The following STK38L variants were observed in gnomAD, a reference collection of about 807,000 sequenced individuals.
STK38L encodes the protein serine/threonine kinase 38 like.
Under a neutral mutation model 59.7 loss-of-function variants are expected in STK38L, and 28 were observed. The observed-to-expected ratio is 0.47, with a 90% CI of 0.35 to 0.64. The LOEUF is 0.64. Ranked by LOEUF, STK38L falls within the 30% of genes least tolerant of loss-of-function variation. The pLI is 0.01. For missense variants in STK38L, 314 were observed against 555.8 expected, an observed-to-expected ratio of 0.56 and a Z score of 4.37; for synonymous variants, 162 against 176.8, an observed-to-expected ratio of 0.92 and a Z score of 0.66.
At chr12:27,295,560 A>G (rs1045752573) in intron 1 of STK38L, among the ~76,000 whole-genome samples, 4 of 151,292 alleles carry the variant, frequency 2.6e-5, no homozygotes, top group African/African-American at 4.9e-5. Context: ...CCTCCCCCCA[A>G]TCAATAGGTT....
chr12:27,276,372 C>T (rs1028605326), intron 1 of STK38L, among the ~76,000 whole-genome samples: 1 of 152,038 alleles, frequency 6.6e-6, no homozygotes. Context: ...AACAAAATAA[C>T]GAAGCCCATT....
intron 1 of STK38L, among the ~76,000 whole-genome samples, chr12:27,291,649 C>T (rs1032874519): frequency 6.6e-6 from 1 of 152,130 alleles, no homozygotes; most frequent in East Asian, 1.9e-4. Context: ...TAGACTGTGC[C>T]TCAGAGAGGA....
chr12:27,309,544 C>T (rs765631952), intron 5 of STK38L, among the ~76,000 whole-genome samples: 2 of 152,188 alleles, frequency 1.3e-5, no homozygotes, highest in Admixed American at 6.5e-5. Context: ...GCCACCTTCT[C>T]ACTAAGTTTT....
chr12:27,288,519 A>G (rs1039661360), intron 1 of STK38L, among the ~76,000 whole-genome samples: 1 of 152,134 alleles, frequency 6.6e-6, no homozygotes. Flanking sequence ...ATCCAAACCC[A>G]CAATTCAGAG....
At chr12:27,305,272 A>ACTT (rs1944282214) in intron 3 of STK38L, among the ~76,000 whole-genome samples, 1 of 152,230 alleles carries the variant, frequency 6.6e-6, no homozygotes, top group African/African-American at 2.4e-5. Flanking sequence ...CCTGTTTGCA[A>ACTT]CTTCTGGTCT....
chr12:27,321,503 A>G (rs1944726812), intron 12 of STK38L, among the ~76,000 whole-genome samples: 1 of 152,234 alleles, frequency 6.6e-6, no homozygotes, highest in African/African-American at 2.4e-5. Flanking sequence ...TTCTATTCCT[A>G]AATCAATTAA....
At chr12:27,309,771 A>C (rs1215300740) in intron 5 of STK38L, among the ~76,000 whole-genome samples, 1 of 152,236 alleles carries the variant, frequency 6.6e-6, no homozygotes, top group Non-Finnish European at 1.5e-5. Context: ...ACCTTCTGAA[A>C]TACCTCCTTT....
intron 1 of STK38L, among the ~76,000 whole-genome samples, chr12:27,261,978 A>T (rs927982766): frequency 1.3e-5 from 2 of 152,250 alleles, no homozygotes; most frequent in African/African-American, 4.8e-5. Flanking sequence ...GGAAGCAGTC[A>T]GTAAATGTTA....
intron 9 of STK38L, among the ~76,000 whole-genome samples, chr12:27,315,968 T>C (rs1163278522): frequency 6.6e-6 from 1 of 152,206 alleles, no homozygotes; most frequent in Non-Finnish European, 1.5e-5. Flanking sequence ...GTTAACATGG[T>C]CCATCAACAG....
intron 1 of STK38L, among the ~76,000 whole-genome samples, chr12:27,258,845 A>G (rs991764713): frequency 1.3e-5 from 2 of 152,078 alleles, no homozygotes; most frequent in African/African-American, 4.8e-5. Flanking sequence ...TGTTGGAAAA[A>G]CTTTTATCCA....
chr12:27,317,347 A>C lies in STK38L; in HGVS notation c.849A>C (p.Thr283=). Residue 283 remains threonine, a synonymous_variant, in exon 10 of 14, where the codon ACA becomes ACC. Transcript: ENST00000389032. The part of the protein sequence containing the change: ...KKNRRQLAYS[T]VGTPDYIAPE... ...TTGCTCCTTTGTAGGCATATTCCACAGTTGGGACACCAGATTACATTGCTC... is the reference window on the plus strand; with the variant it reads ...TTGCTCCTTTGTAGGCATATTCCACCGTTGGGACACCAGATTACATTGCTC... 2 of 1,607,528 alleles carry C rather than the reference A, an allele frequency of 1.2e-6. No homozygotes were observed. Among genetic ancestry groups the C allele is most frequent in the Non-Finnish European group, 1.7e-6 (2 of 1,178,182 alleles).
chr12:27,310,846 G>T (rs967027972), intron 5 of STK38L, among the ~76,000 whole-genome samples: 1 of 152,132 alleles, frequency 6.6e-6, no homozygotes, highest in Admixed American at 6.5e-5. Context: ...ACGTCTAGTT[G>T]CCTTTGCATT....
chr12:27,304,258 CAAAAA>C (rs34994566), intron 3 of STK38L, among the ~76,000 whole-genome samples: 1 of 62,864 alleles, frequency 1.6e-5, no homozygotes. Flanking sequence ...GAGTCTGTCT[CAAAAA>C]AAAAAAAAAA....
chr12:27,287,808 GTCTTCTCC>G (rs1259285356), intron 1 of STK38L, among the ~76,000 whole-genome samples: 1 of 152,212 alleles, frequency 6.6e-6, no homozygotes, highest in African/African-American at 2.4e-5. Context: ...TTAATTGAAT[GTCTTCTCC>G]TCTTCTCCTC....
intron 1 of STK38L, among the ~76,000 whole-genome samples, chr12:27,245,396 G>C (rs1365788906): frequency 2.0e-5 from 3 of 152,334 alleles, no homozygotes; most frequent in Non-Finnish European, 4.4e-5. Flanking sequence ...TTGATTGTAA[G>C]ATGGGGATTG....
intron 1 of STK38L, among the ~76,000 whole-genome samples, chr12:27,274,287 T>A (rs946456783): frequency 6.6e-6 from 1 of 151,536 alleles, no homozygotes; most frequent in Non-Finnish European, 1.5e-5. Flanking sequence ...CACTATGTAA[T>A]TTGTAAGAAA....
intron 11 of STK38L, among the ~76,000 whole-genome samples, chr12:27,319,022 A>C (rs10842901): frequency 0.4 from 60,476 of 152,042 alleles, 12,276 homozygotes; most frequent in Admixed American, 0.48. Flanking sequence ...TTATTGAAAA[A>C]TATTTAATGA....
At chr12:27,250,631 G>A (rs187240738) in intron 1 of STK38L, among the ~76,000 whole-genome samples, 3 of 152,164 alleles carry the variant, frequency 2.0e-5, no homozygotes, top group East Asian at 3.9e-4. Flanking sequence ...ACCTACAAAT[G>A]AGGAAATTGG....
chr12:27,296,793 C>T (rs572369178), intron 1 of STK38L, among the ~76,000 whole-genome samples: 137 of 152,290 alleles, frequency 9.0e-4, no homozygotes, highest in Non-Finnish European at 1.6e-3. Context: ...GGCCACCTGC[C>T]GCAGCCATCG....
Sources: allele counts gnomAD v4.1 joint callset (sites outside exome capture counted in the v4.1 genomes callset), GRCh38; gene constraint gnomAD v4.1.1; transcripts MANE v1.5; gene names NCBI Gene and HGNC (gene_info 2026-07-23, HGNC 2026-07-21).